The following EHD4 variants were observed in gnomAD, a reference collection of about 807,000 sequenced individuals.
The protein encoded by EHD4 is EH domain-containing protein 4.
EHD4 carries 37 observed loss-of-function variants against 51.0 expected under a neutral mutation model. The ratio of observed to expected loss-of-function variants is 0.73; its 90% confidence interval spans 0.56 to 0.95. EHD4 has a LOEUF of 0.95. EHD4 is among the 40% of genes least tolerant of loss of function. The pLI is 0.00. For missense variants in EHD4, 632 were observed against 733.1 expected (o/e 0.86, Z 1.59); for synonymous variants, 297 against 317.3 (o/e 0.94, Z 0.68).
intron 1 of EHD4, among the ~76,000 whole-genome samples, chr15:41,964,297 A>C: frequency 6.6e-6 from 1 of 152,144 alleles, no homozygotes; most frequent in East Asian, 1.9e-4. Flanking sequence ...AAACAAATTA[A>C]AATAAGTCTG....
intron 1 of EHD4, among the ~76,000 whole-genome samples, chr15:41,956,182 C>T (rs1000204617): frequency 6.6e-6 from 1 of 152,238 alleles, no homozygotes; most frequent in Non-Finnish European, 1.5e-5. Flanking sequence ...TACAAAAGGT[C>T]ACACACACTG....
chr15:41,914,285 T>C (rs1045239097), intron 4 of EHD4, among the ~76,000 whole-genome samples: 1 of 152,198 alleles, frequency 6.6e-6, no homozygotes, highest in Non-Finnish European at 1.5e-5. Flanking sequence ...GCTGGAGACC[T>C]GCGGCTGGAA....
In EHD4 at chr15:41,919,383, C is replaced by T; in HGVS notation, c.751G>A (p.Glu251Lys). ...WSLGKVINTP[E>K]VLRVYIGSFW... Reference sequence around the variant, plus strand: ...GAGCCAATGTAGACGCGCAGTACCTCGGGCGTGTTGATGACCTTGCCTAGG... The same window carrying T: ...GAGCCAATGTAGACGCGCAGTACCTTGGGCGTGTTGATGACCTTGCCTAGG... The change falls in exon 4 of 6, where the codon GAG becomes AAG. Residue 251 changes from glutamate (E) to lysine (K), a missense_variant. Glu to Lys is a moderately conservative substitution (Grantham distance 56). Coordinates refer to ENST00000220325, the MANE Select transcript of EHD4 (RefSeq NM_139265.4). 6.2e-7 allele frequency: 1 copy of T among 1,612,010 alleles called. No homozygotes were observed. The highest frequency in any genetic ancestry group is 8.5e-7 in the Non-Finnish European group (1 of 1,178,698).
At chr15:41,941,127 T>C (rs1203644773) in intron 3 of EHD4, among the ~76,000 whole-genome samples, 1 of 151,854 alleles carries the variant, frequency 6.6e-6, no homozygotes, top group Admixed American at 6.6e-5. Context: ...AAAAAAAAAA[T>C]TGATTGGCAC....
rs752440965 is a variant in EHD4, at chr15:41,899,537, A to G, written c.*1108T>C. ...AAAAAAACACAAAACCCTAGACATA[A>G]TAAATGCCTGTTTTCTACAAAAACA... is the stretch of plus-strand genomic sequence containing the variant. On this transcript the variant is annotated 3_prime_UTR_variant, in exon 6 of 6. Transcript: ENST00000220325. The G allele has an allele frequency of 6.6e-6, 1 of 152,008 alleles. No homozygotes were observed. Among genetic ancestry groups the G allele is most frequent in the Non-Finnish European group, 1.5e-5 (1 of 67,968 alleles). The allele number at this position is 152,008 out of a possible 1,614,324, so 9.4% of individuals were successfully genotyped here.
chr15:41,936,552 A>G (rs949785966), intron 3 of EHD4, among the ~76,000 whole-genome samples: 5 of 152,242 alleles, frequency 3.3e-5, no homozygotes, highest in Non-Finnish European at 7.3e-5. Flanking sequence ...GTTTTATATC[A>G]TAAACATAAA....
intron 3 of EHD4, among the ~76,000 whole-genome samples, chr15:41,937,827 C>T (rs2067742500): frequency 6.6e-6 from 1 of 152,078 alleles, no homozygotes; most frequent in Non-Finnish European, 1.5e-5. Context: ...ATGTCCAGGC[C>T]CCATTTCCTA....
chr15:41,942,194 C>CT (rs1397364897), intron 3 of EHD4: 1 of 152,280 alleles, frequency 6.6e-6, no homozygotes, highest in African/African-American at 2.4e-5. Context: ...TGGTCTGCCC[C>CT]TGATGCCCCC....
chr15:41,933,071 T>G (rs1471505085), intron 3 of EHD4, among the ~76,000 whole-genome samples: 1 of 152,220 alleles, frequency 6.6e-6, no homozygotes, highest in East Asian at 1.9e-4. Flanking sequence ...GGAAAGAGGC[T>G]CACAGGGCCC....
intron 3 of EHD4, chr15:41,928,463 C>T (rs1343460115): frequency 6.6e-6 from 1 of 152,198 alleles, no homozygotes; most frequent in East Asian, 1.9e-4. Context: ...GTGCTTTCAC[C>T]CGCTGCGCTG....
At chr15:41,949,963 C>T (rs2067842450) in intron 2 of EHD4, among the ~76,000 whole-genome samples, 1 of 152,172 alleles carries the variant, frequency 6.6e-6, no homozygotes. Context: ...CTCCTGATAG[C>T]AACCTCTGGA....
intron 3 of EHD4, among the ~76,000 whole-genome samples, chr15:41,920,458 T>C (rs2067617259): frequency 6.6e-6 from 1 of 152,246 alleles, no homozygotes; most frequent in African/African-American, 2.4e-5. Flanking sequence ...TGACTTTTAA[T>C]CTCAGTCTGA....
rs912848022 is a variant in EHD4 at position 41,896,873 on chromosome 15, T to C, written c.*3772A>G. 6.6e-6 allele frequency: 1 copy of C among 152,152 alleles called. No homozygotes were observed. The highest frequency in any genetic ancestry group is 1.5e-5 in the Non-Finnish European group (1 of 68,036). The allele number at this position is 152,152 out of a possible 1,614,324, so 9.4% of individuals were successfully genotyped here. A position where few individuals can be genotyped will look rare whatever the true frequency, so the allele number is the denominator to read the frequency against. On this transcript the variant is annotated 3_prime_UTR_variant, in exon 6 of 6. Coordinates refer to ENST00000220325, the MANE Select transcript of EHD4 (RefSeq NM_139265.4). ...CTTTCCTTCTGAAGCGGCTGCATTT[T>C]GGGTTTCTCTCCACAGGAAGAGTTG...
In EHD4 at chr15:41,896,462, G is replaced by A. The variant is rs1237037683; in HGVS notation, c.*4183C>T. On this transcript the variant is annotated 3_prime_UTR_variant, in exon 6 of 6. Transcript: ENST00000220325. ...CTCATAGGCTTGAACAGGGCCACAT[G>A]TCCATTCCTGAGCCAATATTTGTGA... The A allele has an allele frequency of 1.3e-5, 2 of 152,188 alleles. No individual in the cohort carries two copies. The highest frequency in any genetic ancestry group is 2.9e-5 in the Non-Finnish European group (2 of 68,048). 9.4% of individuals were successfully genotyped at this position (152,188 alleles called of 1,614,324 possible).
chr15:41,930,746 G>C (rs777898176), intron 3 of EHD4, among the ~76,000 whole-genome samples: 7 of 152,148 alleles, frequency 4.6e-5, no homozygotes, highest in Admixed American at 2.0e-4. Flanking sequence ...ATTACTCAGA[G>C]ACAGTTATTT....
chr15:41,953,091 GA>G (rs1475715305), intron 2 of EHD4, among the ~76,000 whole-genome samples: 1 of 150,748 alleles, frequency 6.6e-6, no homozygotes, highest in Non-Finnish European at 1.5e-5. Flanking sequence ...GATGAATAAG[GA>G]AACAGCTCAA....
chr15:41,914,119 G>A (rs1231261846), intron 4 of EHD4, among the ~76,000 whole-genome samples: 1 of 152,194 alleles, frequency 6.6e-6, no homozygotes, highest in East Asian at 1.9e-4. Flanking sequence ...TCTGGGCTTG[G>A]AGGGTAACTT....
chr15:41,963,701 T>C (rs761305443), intron 1 of EHD4, among the ~76,000 whole-genome samples: 1 of 151,248 alleles, frequency 6.6e-6, no homozygotes. Context: ...AAAGGAAAAA[T>C]TGTTAGATTT....
intron 1 of EHD4, among the ~76,000 whole-genome samples, chr15:41,967,728 A>G (rs991808636): frequency 7.9e-5 from 12 of 152,346 alleles, no homozygotes; most frequent in Admixed American, 1.3e-4. Flanking sequence ...TTATCAAGGG[A>G]ATGAAGCAGG....
Sources: gnomAD v4.1 joint callset for allele counts (sites outside exome capture counted in the v4.1 genomes callset) on GRCh38, gnomAD v4.1.1 for gene constraint, MANE v1.5 for transcripts, NCBI Gene and HGNC (gene_info 2026-07-23, HGNC 2026-07-21) for gene names.